Variants in PLXNB2 observed in about 807,000 individuals in gnomAD.
PLXNB2 encodes the protein plexin B2.
PLXNB2 carries 85 observed loss-of-function variants against 202.6 expected under a neutral mutation model. The ratio of observed to expected loss-of-function variants is 0.42; its 90% CI spans 0.35 to 0.50. The LOEUF (loss-of-function observed/expected upper bound fraction) is 0.50. Among genes scored for constraint, PLXNB2 ranks in the 20% least tolerant of loss-of-function variants. The pLI, the probability that PLXNB2 is intolerant of heterozygous loss-of-function variation, is 0.02. For missense variants in PLXNB2, 2,063 were observed against 2,586.2 expected, an observed-to-expected ratio of 0.80 and a Z score of 4.39; for synonymous variants, 1,239 against 1,137.6, an observed-to-expected ratio of 1.09 and a Z score of -1.79.
chr22:50,296,050 C>T lies in PLXNB2; in HGVS notation c.-73-1272G>A, dbSNP rs570384784. ...CTGGGAGGTGGAGGTTGCAGTGAGC[C>T]GAGATCGCGCCACTGCACTCCAGCC... is the stretch of plus-strand genomic sequence containing the variant. On this transcript the variant is annotated intron_variant, in intron 1 of 36. Transcript: ENST00000359337. 6.6e-5 allele frequency among the ~76,000 whole-genome samples: 10 copies of T among 151,936 alleles called. No individual in the cohort carries two copies. The South Asian group carries it at 1.5e-3, about 22-fold the overall frequency.
At chr22:50,292,075 C>T (rs148772979) in intron 2 of PLXNB2, among the ~76,000 whole-genome samples, 3,031 of 152,290 alleles carry the variant, frequency 0.02, 98 homozygotes, top group African/African-American at 0.069. Flanking sequence ...CGGTGGCTCA[C>T]GCCTGTAATC....
At chr22:50,293,626 G>C (rs545124596) in intron 2 of PLXNB2, among the ~76,000 whole-genome samples, 1 of 152,224 alleles carries the variant, frequency 6.6e-6, no homozygotes, top group African/African-American at 2.4e-5. Context: ...AGGGGAATGC[G>C]GGGGCAGCGC....
At chr22:50,301,525 A>T (rs2067683368) in intron 1 of PLXNB2, 1 of 414,736 alleles carries the variant, frequency 2.4e-6, no homozygotes, top group Non-Finnish European at 3.2e-6. Flanking sequence ...AGTCACTTGG[A>T]GTCTCTCCTG....
rs776094413 is a variant in PLXNB2, at chr22:50,275,797, G to A, written c.5424C>T (p.Ala1808=). The A allele has an allele frequency of 1.2e-6, 2 of 1,612,058 alleles. No homozygotes were observed. The highest frequency in any genetic ancestry group is 1.7e-5 in the Admixed American group (1 of 59,998). Reference sequence around the variant, plus strand: ...TCTGGGCGGCAGGATCCTCCTCCAAGGCATTGATGATCTGAGGGAGGGTCG... The same window carrying A: ...TCTGGGCGGCAGGATCCTCCTCCAAAGCATTGATGATCTGAGGGAGGGTCG... The part of the protein sequence containing the change: ...TQKYYDEIIN[A]LEEDPAAQKM... Residue 1808 remains alanine (A), a synonymous_variant, in exon 37 of 37, where the codon GCC becomes GCT. Transcript: ENST00000359337.
intron 1 of PLXNB2, among the ~76,000 whole-genome samples, chr22:50,302,355 A>C (rs1026274439): frequency 6.6e-6 from 1 of 152,098 alleles, no homozygotes; most frequent in African/African-American, 2.4e-5. Flanking sequence ...AGTGAGTGGG[A>C]GGTGATGCCC....
At chr22:50,299,750 C>T (rs1182896866) in intron 1 of PLXNB2, among the ~76,000 whole-genome samples, 1 of 152,136 alleles carries the variant, frequency 6.6e-6, no homozygotes, top group African/African-American at 2.4e-5. Context: ...CACCCAGCCC[C>T]ACCCACCGGT....
chr22:50,299,807 G>A (rs1053779878), intron 1 of PLXNB2, among the ~76,000 whole-genome samples: 1 of 152,158 alleles, frequency 6.6e-6, no homozygotes, highest in African/African-American at 2.4e-5. Context: ...GGTGTCTCCT[G>A]GGTGGGTCTG....
intron 2 of PLXNB2, among the ~76,000 whole-genome samples, chr22:50,294,295 G>A (rs2147606129): frequency 6.6e-6 from 1 of 152,350 alleles, no homozygotes; most frequent in Middle Eastern, 3.4e-3. Context: ...AACTCCGGCT[G>A]CTGCTGGGCA....
At chr22:50,305,619 G>A (rs77023739) in intron 1 of PLXNB2, among the ~76,000 whole-genome samples, 3,202 of 152,298 alleles carry the variant, frequency 0.021, 127 homozygotes, top group African/African-American at 0.073. Context: ...TAGGGAGTCC[G>A]TTGGGGCAGG....
rs2066026614 is a variant in PLXNB2 at position 50,281,970 on chromosome 22, C to T, written c.3229G>A (p.Gly1077Arg). 3.7e-6 allele frequency: 6 copies of T among 1,612,870 alleles called. No individual in the cohort carries two copies. The highest frequency in any genetic ancestry group is 1.3e-5 in the African/African-American group (1 of 74,916). ...TCTGTTCTGAGCAGGGCACGGTGCCCGTCCATCTCGATCAGCACCGTGAGG... is the reference window on the plus strand; with the variant it reads ...TCTGTTCTGAGCAGGGCACGGTGCCTGTCCATCTCGATCAGCACCGTGAGG... ...YNLTVLIEMD[G>R]HRALLRTEAG... is the part of the protein sequence containing the mutation. The change falls in exon 20 of 37, where the codon GGG becomes AGG. Residue 1077 changes from glycine to arginine, a missense_variant. Around this residue, in one of 2 missense-constraint regions of PLXNB2, gnomAD observed 760 missense variants for 1,109.4 expected, o/e 0.69. Transcript: ENST00000359337.
rs1360931384 is a variant in PLXNB2 at position 50,281,561 on chromosome 22, C to T, written c.3522+5G>A. On this transcript the variant is annotated splice_donor_5th_base_variant and intron_variant, in intron 21 of 36. Transcript: ENST00000359337. ...GGCACCCCCCGCCAGTCCCCGCTCACGCACAATGAACTCGGGCAGGTTGTG... is the reference window on the plus strand; with the variant it reads ...GGCACCCCCCGCCAGTCCCCGCTCATGCACAATGAACTCGGGCAGGTTGTG... 4 of 1,610,554 alleles carry T rather than the reference C, an allele frequency of 2.5e-6. No individual in the cohort carries two copies. The highest frequency in any genetic ancestry group is 3.4e-6 in the Non-Finnish European group (4 of 1,178,570).
chr22:50,276,350 G>A (rs1428157789), intron 35 of PLXNB2, among the ~76,000 whole-genome samples: 1 of 113,850 alleles, frequency 8.8e-6, no homozygotes, highest in Non-Finnish European at 2.1e-5. Flanking sequence ...GGGCACGGCC[G>A]AGGGTGCAGC....
At chr22:50,306,302 C>T (rs1435072198) in intron 1 of PLXNB2, among the ~76,000 whole-genome samples, 1 of 152,188 alleles carries the variant, frequency 6.6e-6, no homozygotes, top group Non-Finnish European at 1.5e-5. Context: ...GGCCCACCTG[C>T]TTGCTTCTCA....
At position 50,281,443 on chromosome 22, in the gene PLXNB2, C is replaced by A; in HGVS notation, c.3579G>T (p.Val1193=). ...VLGRVEYDTR[V]SDVPLSLILP... is the part of the protein sequence containing the mutation. ...AGATGAGGCTGAGCGGCACGTCGCT[C>A]ACCCGTGTGTCGTACTCCACGCGGC... The change falls in exon 22 of 37, where the codon GTG becomes GTT. Residue 1193 remains valine, a synonymous_variant. Coordinates refer to ENST00000359337, the MANE Select transcript of PLXNB2 (RefSeq NM_012401.4). 6.2e-7 allele frequency: 1 copy of A among 1,612,496 alleles called. No homozygotes were observed. Among genetic ancestry groups the A allele is most frequent in the Non-Finnish European group, 8.5e-7 (1 of 1,179,822 alleles).
chr22:50,305,158 G>A (rs1034036326), intron 1 of PLXNB2, among the ~76,000 whole-genome samples: 2 of 152,240 alleles, frequency 1.3e-5, no homozygotes, highest in African/African-American at 2.4e-5. Flanking sequence ...GTCCCAGGGG[G>A]ACCATCAGCT....
intron 35 of PLXNB2, 69 bp from the exon 36 acceptor site, chr22:50,276,032 C>CGGGACGCCCAGGACGA (rs2065532262): frequency 1.4e-6 from 2 of 1,472,360 alleles, no homozygotes; most frequent in African/African-American, 2.8e-5. Flanking sequence ...AGGAGTAGTA[C>CGGGACGCCCAGGACGA]GGGACGCCCA....
At chr22:50,299,941 C>T (rs2067568108) in intron 1 of PLXNB2, among the ~76,000 whole-genome samples, 1 of 152,142 alleles carries the variant, frequency 6.6e-6, no homozygotes, top group African/African-American at 2.4e-5. Context: ...CGCCAGACTC[C>T]CCGGAGGGCG....
At position 50,275,737 on chromosome 22, in the gene PLXNB2, G is replaced by A. The variant is rs554851279; in HGVS notation, c.5484C>T (p.Ala1828=). 2.2e-5 allele frequency: 36 copies of A among 1,610,752 alleles called. No individual in the cohort carries two copies. The highest frequency in any genetic ancestry group is 6.7e-5 in the Admixed American group (4 of 59,932). ...CAGTGACCTTGTTCTCCAGTGCAGC[G>A]GCAATCTGCTGCAGGCGGAAGGCCA... is the stretch of plus-strand genomic sequence containing the variant. The part of the protein sequence containing the change: ...MQLAFRLQQI[A]AALENKVTDL The change falls in exon 37 of 37, where the codon GCC becomes GCT. Residue 1828 remains alanine (A), a synonymous_variant. Transcript: ENST00000359337.
intron 24 of PLXNB2, 26 bp from the exon 25 acceptor site, chr22:50,280,696 G>T: frequency 6.3e-7 from 1 of 1,599,714 alleles, no homozygotes; most frequent in Non-Finnish European, 8.5e-7. Context: ...GTCAAAGCCT[G>T]CCCGGCGCCA....
Sources: gnomAD v4.1 joint callset for allele counts (sites outside exome capture counted in the v4.1 genomes callset) on GRCh38, gnomAD v4.1.1 for gene constraint, gnomAD v4.1.1 regional missense constraint, MANE v1.5 for transcripts, NCBI Gene and HGNC (gene_info 2026-07-23, HGNC 2026-07-21) for gene names.